GBA1: variants seen among roughly 807,000 people sequenced by gnomAD.
The protein encoded by GBA1 is glucosylceramidase beta 1.
chr1:155,236,754 T>C, the GBA1 span, among the ~76,000 whole-genome samples: 1 of 151,616 alleles, frequency 6.6e-6, no homozygotes, highest in Admixed American at 6.6e-5. Context: ...AGCTAATTTG[T>C]GTGTGTATGT....
chr1:155,236,620 C>G, the GBA1 span: 2 of 711,600 alleles, frequency 2.8e-6, no homozygotes, highest in South Asian at 3.0e-5. Flanking sequence ...CAGGATGTCA[C>G]TCTGTCACTC....
chr1:155,237,606 C>T, the GBA1 span: 9 of 1,612,006 alleles, frequency 5.6e-6, no homozygotes, highest in East Asian at 2.2e-5. Flanking sequence ...ATGAATGATC[C>T]GGCCAAGAAA....
chr1:155,236,536 T>A, the GBA1 span: 1 of 1,314,884 alleles, frequency 7.6e-7, no homozygotes, highest in Non-Finnish European at 1.1e-6. Context: ...GTTCCTGTTG[T>A]AGGAATCCTG....
chr1:155,242,365 G>T, the GBA1 span, among the ~76,000 whole-genome samples: 1 of 152,040 alleles, frequency 6.6e-6, no homozygotes, highest in Non-Finnish European at 1.5e-5. Context: ...TGGGATTACA[G>T]GTGCCCTCCA....
At chr1:155,239,518 G>T in the GBA1 span, 2 of 1,293,154 alleles carry the variant, frequency 1.5e-6, no homozygotes, top group Non-Finnish European at 2.2e-6. Context: ...CCGACAGAAT[G>T]GGCAGAGTGA....
the GBA1 span, chr1:155,236,364 G>A: frequency 1.9e-6 from 3 of 1,614,212 alleles, no homozygotes; most frequent in Non-Finnish European, 2.5e-6. Flanking sequence ...TTGGGGAACA[G>A]GCGGTGTGTC....
the GBA1 span, chr1:155,240,640 C>T: frequency 2.2e-5 from 35 of 1,613,400 alleles, no homozygotes; most frequent in Non-Finnish European, 2.7e-5. Context: ...CTGATGCCCA[C>T]GACACTGCCT....
At chr1:155,240,185 C>T in the GBA1 span, 10 of 1,024,406 alleles carry the variant, frequency 9.8e-6, no homozygotes, top group Admixed American at 6.0e-5. Context: ...ACCCCTTGGC[C>T]GGGCGCAGGG....
At chr1:155,239,503 T>C in the GBA1 span, 2 of 1,189,172 alleles carry the variant, frequency 1.7e-6, no homozygotes, top group South Asian at 2.6e-5. Context: ...TGCACTCCTG[T>C]CTCGCCGACA....
chr1:155,238,771 G>C, the GBA1 span: 1 of 1,570,062 alleles, frequency 6.4e-7, no homozygotes, highest in Non-Finnish European at 8.7e-7. Context: ...TGGGCTCCTG[G>C]GTTGGAACCT....
At chr1:155,237,833 C>A in the GBA1 span, 1 of 751,780 alleles carries the variant, frequency 1.3e-6, no homozygotes, top group Non-Finnish European at 2.1e-6. Context: ...ACTCAGGAGG[C>A]AGAGGTTACA....
chr1:155,239,960 C>A, the GBA1 span: 6 of 1,614,056 alleles, frequency 3.7e-6, no homozygotes, highest in Non-Finnish European at 5.1e-6. Context: ...ACTCTCATAG[C>A]GGCTGAAGGT....
At chr1:155,243,759 C>G in the GBA1 span, among the ~76,000 whole-genome samples, 8 of 151,966 alleles carry the variant, frequency 5.3e-5, no homozygotes, top group Non-Finnish European at 7.4e-5. Flanking sequence ...GCACTGCGCC[C>G]AGTCCGCTTG....
At chr1:155,243,551 C>G in the GBA1 span, among the ~76,000 whole-genome samples, 1 of 152,270 alleles carries the variant, frequency 6.6e-6, no homozygotes, top group East Asian at 1.9e-4. Flanking sequence ...AGTGCAACCT[C>G]TGCCTCCAGA....
the GBA1 span, chr1:155,235,248 G>C: frequency 1.2e-6 from 2 of 1,613,830 alleles, no homozygotes; most frequent in Non-Finnish European, 1.7e-6. Flanking sequence ...GTGCCACTGC[G>C]TCCAGGTCGT....
the GBA1 span, chr1:155,243,974 G>A: frequency 6.6e-6 from 1 of 152,236 alleles, no homozygotes; most frequent in Non-Finnish European, 1.5e-5. Flanking sequence ...TTTGTCACAT[G>A]TCTGAAGAAC....
At chr1:155,240,108 G>T in the GBA1 span, 2 of 1,586,382 alleles carry the variant, frequency 1.3e-6, no homozygotes, top group Non-Finnish European at 1.7e-6. Flanking sequence ...GCAGAGTGAG[G>T]TCTGATGAAG....
chr1:155,238,146 C>T, the GBA1 span: 2 of 1,614,082 alleles, frequency 1.2e-6, no homozygotes, highest in Admixed American at 3.3e-5. Flanking sequence ...CACAAAGTAT[C>T]TGGCCCAGGT....
the GBA1 span, chr1:155,236,484 C>T: frequency 6.3e-7 from 1 of 1,597,440 alleles, no homozygotes; most frequent in Admixed American, 1.7e-5. Flanking sequence ...AAAGGAAGAG[C>T]AACTGATCCT....
Sources: gnomAD v4.1 joint callset for allele counts (sites outside exome capture counted in the v4.1 genomes callset) on GRCh38, gnomAD v4.1.1 for gene constraint, MANE v1.5 for transcripts, NCBI Gene and HGNC (gene_info 2026-07-23, HGNC 2026-07-21) for gene names.